The following METTL8 variants were observed in gnomAD, a reference collection of about 807,000 sequenced individuals.
METTL8 encodes the protein methyltransferase 8, tRNA N3-cytidine.
A neutral mutation model predicts 48.7 loss-of-function variants in METTL8; 32 were observed. The ratio of observed to expected loss-of-function variants is 0.66; its 90% CI spans 0.50 to 0.88. The LOEUF (loss-of-function observed/expected upper bound fraction) is 0.88. METTL8 is among the 40% of genes least tolerant of loss of function. The pLI, the probability that METTL8 is intolerant of heterozygous loss-of-function variation, is 0.00. For synonymous variants in METTL8, 136 were observed against 157.1 expected (o/e 0.87, Z 1.01); for missense variants, 464 against 474.4 (o/e 0.98, Z 0.20).
At chr2:171,370,514 G>A (rs984924780) in intron 2 of METTL8, among the ~76,000 whole-genome samples, 135 of 152,246 alleles carry the variant, frequency 8.9e-4, no homozygotes, top group African/African-American at 3.2e-3. Flanking sequence ...CATACGGGCT[G>A]GGCACGGTGG....
intron 1 of METTL8, among the ~76,000 whole-genome samples, chr2:171,401,464 T>G (rs1689632666): frequency 6.6e-6 from 1 of 152,140 alleles, no homozygotes; most frequent in East Asian, 1.9e-4. Context: ...TGCAGAGCAT[T>G]TTGATCACAC....
At chr2:171,391,166 T>C (rs531006864) in intron 2 of METTL8, among the ~76,000 whole-genome samples, 2 of 152,348 alleles carry the variant, frequency 1.3e-5, no homozygotes, top group African/African-American at 2.4e-5. Flanking sequence ...AAAAAGATTA[T>C]GACTCACTGA....
intron 2 of METTL8, among the ~76,000 whole-genome samples, chr2:171,364,813 A>G (rs990987876): frequency 6.6e-6 from 1 of 152,198 alleles, no homozygotes; most frequent in Non-Finnish European, 1.5e-5. Flanking sequence ...AAAGTACCCA[A>G]TATAAACTAT....
chr2:171,351,496 G>A (rs1476182040), intron 3 of METTL8, among the ~76,000 whole-genome samples: 8 of 152,268 alleles, frequency 5.3e-5, no homozygotes, highest in Non-Finnish European at 1.0e-4. Context: ...CCAATTCTGT[G>A]AAGAAAGTCA....
At position 171,339,462 on chromosome 2, in the gene METTL8, C is replaced by A. The variant is rs751900891; in HGVS notation, c.328G>T (p.Glu110Ter). 1 of 1,613,506 alleles carries A rather than the reference C, an allele frequency of 6.2e-7. No homozygotes were observed. Among genetic ancestry groups the A allele is most frequent in the Non-Finnish European group, 8.5e-7 (1 of 1,179,680 alleles). Residue 110 changes from glutamate to a stop codon, truncating the protein, a stop_gained, in exon 4 of 10, where the codon GAA (glutamate) becomes TAA (stop). Transcript: ENST00000375258. LOFTEE classifies it high-confidence loss of function. ...FFKDRNWLLREFPEILPVDQK... is the reference protein window; with the variant it reads ...FFKDRNWLLR ...TCAACTGGAAGAATTTCAGGAAATT[C>A]CCTCAACAGCCAATTACGATCCTTG... is the stretch of plus-strand genomic sequence containing the variant.
chr2:171,383,104 A>T (rs1421630839), intron 2 of METTL8, among the ~76,000 whole-genome samples: 2 of 152,118 alleles, frequency 1.3e-5, no homozygotes, highest in Non-Finnish European at 2.9e-5. Context: ...AAACCCCAAA[A>T]AACACACATG....
chr2:171,339,836 C>T (rs1209240588), intron 3 of METTL8, among the ~76,000 whole-genome samples: 2 of 152,182 alleles, frequency 1.3e-5, no homozygotes, highest in Non-Finnish European at 2.9e-5. Context: ...AATATAATCA[C>T]TGCAAACAAC....
At chr2:171,387,954 T>C (rs918705358) in intron 2 of METTL8, among the ~76,000 whole-genome samples, 10 of 152,212 alleles carry the variant, frequency 6.6e-5, no homozygotes, top group Non-Finnish European at 1.2e-4. Context: ...ACTTGACTTC[T>C]TCAGCTCTGA....
At chr2:171,377,978 T>C (rs998277284) in intron 2 of METTL8, among the ~76,000 whole-genome samples, 2 of 152,160 alleles carry the variant, frequency 1.3e-5, no homozygotes, top group Middle Eastern at 3.4e-3. Flanking sequence ...CAATTTGCAA[T>C]TGCAAAAACA....
chr2:171,404,386 A>G (rs958835133), intron 1 of METTL8, among the ~76,000 whole-genome samples: 2 of 152,022 alleles, frequency 1.3e-5, no homozygotes, highest in Admixed American at 1.3e-4. Flanking sequence ...TCATGGAGCC[A>G]TGACGGTGTC....
chr2:171,330,826 AC>A, intron 6 of METTL8, 128 bp from the exon 7 acceptor site: 2 of 702,552 alleles, frequency 2.8e-6, no homozygotes, highest in Non-Finnish European at 4.6e-6. Context: ...CAGTCTGAAC[AC>A]TTTTTTCCAA....
In METTL8 at chr2:171,318,343, A is replaced by G. The variant is rs572083754; in HGVS notation, c.*5829T>C. ...CATTAATGTACATACAATGTTTTAA[A>G]TAACGATGTTTTCACTCATATTTTA... On this transcript the variant is annotated 3_prime_UTR_variant, in exon 10 of 10. Transcript: ENST00000375258. The G allele has an allele frequency of 6.6e-6, 1 of 152,378 alleles. No homozygotes were observed. The highest frequency in any genetic ancestry group is 2.4e-5 in the African/African-American group (1 of 41,590). The allele number at this position is 152,378 out of a possible 1,614,324, so 9.4% of individuals were successfully genotyped here. A position where few individuals can be genotyped will look rare whatever the true frequency, so the allele number is the denominator to read the frequency against.
At chr2:171,427,998 T>C (rs1469099153) in intron 1 of METTL8, among the ~76,000 whole-genome samples, 1 of 152,254 alleles carries the variant, frequency 6.6e-6, no homozygotes, top group African/African-American at 2.4e-5. Context: ...ATACTATGTT[T>C]CTTTAAACAA....
At chr2:171,388,729 T>C (rs552446930) in intron 2 of METTL8, among the ~76,000 whole-genome samples, 13 of 152,370 alleles carry the variant, frequency 8.5e-5, no homozygotes, top group African/African-American at 2.9e-4. Flanking sequence ...TGAGCAAGTC[T>C]ATTGGCACCA....
At chr2:171,431,531 C>A (rs1207221092) in intron 1 of METTL8, among the ~76,000 whole-genome samples, 1 of 152,240 alleles carries the variant, frequency 6.6e-6, no homozygotes, top group East Asian at 1.9e-4. Context: ...AATCCTGCAT[C>A]AAGAGCTGTT....
chr2:171,431,690 C>T lies in METTL8; in HGVS notation c.-13+2193G>A, dbSNP rs148932267. Among the ~76,000 whole-genome samples the T allele has an allele frequency of 2.2e-4, 34 of 152,346 alleles. No individual in the cohort carries two copies. The East Asian group carries it at 4.8e-3, about 22-fold the overall frequency. ...CGGTAGCTCTCTGCCCCACCAGCAGCGCCTGGTAGCCACCCTATGCAACAA... is the reference window on the plus strand; with the variant it reads ...CGGTAGCTCTCTGCCCCACCAGCAGTGCCTGGTAGCCACCCTATGCAACAA... On this transcript the variant is annotated intron_variant, in intron 1 of 9. Coordinates refer to ENST00000375258, the MANE Select transcript of METTL8 (RefSeq NM_001321154.2).
intron 3 of METTL8, among the ~76,000 whole-genome samples, chr2:171,359,548 A>G (rs73021081): frequency 0.046 from 7,016 of 152,272 alleles, 536 homozygotes; most frequent in African/African-American, 0.16. Context: ...AATATATCAA[A>G]GAGATAACTG....
rs1379549591 is a variant in METTL8, at chr2:171,320,488, G to A, written c.*3684C>T. 6.6e-6 allele frequency: 1 copy of A among 152,222 alleles called. No homozygotes were observed. The highest frequency in any genetic ancestry group is 6.5e-5 in the Admixed American group (1 of 15,284). 9.4% of individuals were successfully genotyped at this position (152,222 alleles called of 1,614,324 possible). On this transcript the variant is annotated 3_prime_UTR_variant, in exon 10 of 10. Transcript: ENST00000375258. ...GAGAGACAGTACAATTTACATGTGT[G>A]AGAATGTGAGAATAATTTTACCTTC...
chr2:171,401,706 T>C (rs980952127), intron 1 of METTL8, among the ~76,000 whole-genome samples: 1 of 152,162 alleles, frequency 6.6e-6, no homozygotes, highest in Non-Finnish European at 1.5e-5. Flanking sequence ...AAACACATTA[T>C]ACTGGGCCAG....
Sources: allele counts gnomAD v4.1 joint callset (sites outside exome capture counted in the v4.1 genomes callset), GRCh38; gene constraint gnomAD v4.1.1; transcripts MANE v1.5; gene names NCBI Gene and HGNC (gene_info 2026-07-23, HGNC 2026-07-21).